The following GNL3L variants were observed in gnomAD, a reference collection of about 807,000 sequenced individuals.
GNL3L encodes guanine nucleotide-binding protein-like 3-like protein.
GNL3L carries 4 observed loss-of-function variants against 42.9 expected under a neutral mutation model. The ratio of observed to expected loss-of-function variants is 0.09; its 90% confidence interval spans 0.05 to 0.21. The LOEUF is 0.21. Ranked by LOEUF, GNL3L falls within the 10% of genes least tolerant of loss-of-function variation. The probability of loss-of-function intolerance (pLI) is 1.00; values close to 1 mark genes in which losing one functional copy is unlikely to be tolerated. For missense variants in GNL3L, 412 were observed against 481.7 expected (o/e 0.86, Z 1.36); for synonymous variants, 159 against 176.3 (o/e 0.90, Z 0.78).
At chrX:54,600,206 CTTT>C (rs1172527598) in intron 16 of GNL3L, among the ~76,000 whole-genome samples, 25 of 13,351 alleles carry the variant, frequency 1.9e-3, no homozygotes, top group East Asian at 4.9e-3. Context: ...CAATCTGCTG[CTTT>C]TTTTTTTTTT....
intron 6 of GNL3L, 50 bp downstream of exon 6, chrX:54,543,088 C>T (rs766419351): frequency 8.4e-6 from 9 of 1,072,593 alleles, no homozygotes; most frequent in South Asian, 1.9e-5. Context: ...CCAGTCCAGC[C>T]CCTTTTCCTC....
intron 2 of GNL3L, among the ~76,000 whole-genome samples, chrX:54,538,230 C>T (rs1253972731): frequency 1.8e-5 from 2 of 110,957 alleles, no homozygotes; most frequent in Non-Finnish European, 1.9e-5. Context: ...AGTTCTGTTT[C>T]GTACCTTAAC....
intron 16 of GNL3L, among the ~76,000 whole-genome samples, chrX:54,606,862 A>G (rs59695746): frequency 0.24 from 26,073 of 108,028 alleles, 3,152 homozygotes; most frequent in African/African-American, 0.44. Context: ...GCTGGTCTTG[A>G]ACTCCTGGCC....
At position 54,565,577 on chromosome X, in the gene GNL3L, C is replaced by T. The variant is rs970584914; in HGVS notation, c.*4975C>T. ...CTTGAACTGCTGGCCTCAAGTAATC[C>T]TCCCATCTCGGTCTCCCAAAGTGCT... is the stretch of plus-strand genomic sequence containing the variant. On this transcript the variant is annotated 3_prime_UTR_variant, in exon 16 of 16. Transcript: ENST00000360845. 9.0e-6 allele frequency among the ~76,000 whole-genome samples: 1 copy of T among 110,879 alleles called. No individual in the cohort carries two copies. Among genetic ancestry groups the T allele is most frequent in the African/African-American group, 3.3e-5 (1 of 30,520 alleles).
At chrX:54,638,785 A>G in the GNL3L span, among the ~76,000 whole-genome samples, 7 of 112,109 alleles carry the variant, frequency 6.2e-5, no homozygotes, top group Non-Finnish European at 1.3e-4. Context: ...AAGTTTATCA[A>G]CCATCTCCTG....
At chrX:54,560,180 G>A (rs376125476) in intron 15 of GNL3L, among the ~76,000 whole-genome samples, 2 of 111,557 alleles carry the variant, frequency 1.8e-5, no homozygotes, top group Admixed American at 1.9e-4. Flanking sequence ...CCTTTGCTGT[G>A]AGAGCTTTGT....
chrX:54,554,535 G>T, intron 13 of GNL3L, 30 bp from the exon 14 acceptor site: 1 of 1,201,699 alleles, frequency 8.3e-7, no homozygotes, highest in Non-Finnish European at 1.1e-6. Flanking sequence ...GGGAGCCAGG[G>T]CCCTGACAGT....
downstream of GNL3L, among the ~76,000 whole-genome samples, chrX:54,568,398 A>G (rs1277283658): frequency 9.0e-6 from 1 of 111,481 alleles, no homozygotes; most frequent in Non-Finnish European, 1.9e-5. Flanking sequence ...GTCCCAAATG[A>G]GTTTCACTGG....
intron 16 of GNL3L, among the ~76,000 whole-genome samples, chrX:54,579,892 C>T (rs986675233): frequency 1.9e-5 from 2 of 106,950 alleles, no homozygotes; most frequent in East Asian, 3.0e-4. Flanking sequence ...TGGCCAGGCT[C>T]GTCTTGAACT....
At chrX:54,583,543 T>A (rs773286857) in intron 16 of GNL3L, among the ~76,000 whole-genome samples, 1 of 111,234 alleles carries the variant, frequency 9.0e-6, no homozygotes, top group South Asian at 3.8e-4. Context: ...AAGAATTCTG[T>A]GCCTGGTCCT....
At chrX:54,587,825 C>T (rs1925807252) in intron 16 of GNL3L, among the ~76,000 whole-genome samples, 1 of 110,596 alleles carries the variant, frequency 9.0e-6, no homozygotes, top group African/African-American at 3.3e-5. Flanking sequence ...GGATTATAGG[C>T]ACCTACCATC....
intron 16 of GNL3L, among the ~76,000 whole-genome samples, chrX:54,587,706 A>C (rs1398401953): frequency 9.6e-6 from 1 of 104,356 alleles, no homozygotes; most frequent in Non-Finnish European, 1.9e-5. Flanking sequence ...TTTTAGACGG[A>C]GTCTCACCCT....
At chrX:54,543,842 T>C (rs980105234) in intron 7 of GNL3L, among the ~76,000 whole-genome samples, 2 of 112,060 alleles carry the variant, frequency 1.8e-5, no homozygotes, top group Non-Finnish European at 3.8e-5. Flanking sequence ...ACTTCACACA[T>C]GATAGCCATT....
chrX:54,573,445 G>A (rs370428621), intron 16 of GNL3L, among the ~76,000 whole-genome samples: 1 of 111,955 alleles, frequency 8.9e-6, no homozygotes, highest in South Asian at 3.7e-4. Context: ...GCAGTGAGCC[G>A]AGATGGCAGC....
chrX:54,575,860 A>C (rs373202252), intron 16 of GNL3L, among the ~76,000 whole-genome samples: 2 of 112,501 alleles, frequency 1.8e-5, no homozygotes, highest in South Asian at 3.7e-4. Context: ...CGGTGAGCCG[A>C]GATCGCACCA....
the GNL3L span, among the ~76,000 whole-genome samples, chrX:54,632,468 A>AT: frequency 9.8e-6 from 1 of 101,783 alleles, no homozygotes; most frequent in Non-Finnish European, 2.0e-5. Context: ...TCTTTTTTGG[A>AT]TTTTTTTTCT....
At chrX:54,531,494 T>G (rs933103638) in intron 1 of GNL3L, among the ~76,000 whole-genome samples, 1 of 110,500 alleles carries the variant, frequency 9.0e-6, no homozygotes, top group East Asian at 2.9e-4. Flanking sequence ...TCTATTAATT[T>G]ATAGCTGCAT....
At chrX:54,543,443 A>T (rs1429564026) in intron 7 of GNL3L, 101 bp downstream of exon 7, 1 of 836,157 alleles carries the variant, frequency 1.2e-6, no homozygotes, top group Non-Finnish European at 1.7e-6. Context: ...AGTGATACTC[A>T]TAATAGTCAT....
At chrX:54,533,989 G>A (rs1172043121) in intron 2 of GNL3L, among the ~76,000 whole-genome samples, 1 of 95,345 alleles carries the variant, frequency 1.0e-5, no homozygotes, top group Non-Finnish European at 2.0e-5. Flanking sequence ...AAGACTATTA[G>A]ATGGAAAGAT....
Sources: gnomAD v4.1 joint callset for allele counts (sites outside exome capture counted in the v4.1 genomes callset) on GRCh38, gnomAD v4.1.1 for gene constraint, MANE v1.5 for transcripts, NCBI Gene and HGNC (gene_info 2026-07-23, HGNC 2026-07-21) for gene names.